Variants in CSMD1 observed in about 807,000 individuals in gnomAD.
CSMD1 encodes CUB and sushi domain-containing protein 1.
Under a neutral mutation model 417.5 loss-of-function variants are expected in CSMD1, and 213 were observed. The observed-to-expected ratio is 0.51, with a 90% confidence interval of 0.46 to 0.57. The LOEUF (loss-of-function observed/expected upper bound fraction) is 0.57. Ranked by LOEUF, CSMD1 falls within the 20% of genes least tolerant of loss-of-function variation. The pLI, the probability that CSMD1 is intolerant of heterozygous loss-of-function variation, is 0.00. For missense variants in CSMD1, 6,923 were observed against 4,529.7 expected (o/e 1.53, Z -15.17); for synonymous variants, 2,862 against 1,736.8 (o/e 1.65, Z -16.11).
chr8:4,441,497 G>C (rs575323197), intron 2 of CSMD1, among the ~76,000 whole-genome samples: 2 of 151,988 alleles, frequency 1.3e-5, no homozygotes, highest in African/African-American at 2.4e-5. Flanking sequence ...GTATTTTACA[G>C]AGAGAGAATG....
At position 4,875,872 on chromosome 8, in the gene CSMD1, G is replaced by C. The variant is rs1004093662; in HGVS notation, c.85+118460C>G. On this transcript the variant is annotated intron_variant, in intron 1 of 69. Coordinates refer to ENST00000635120, the MANE Select transcript of CSMD1 (RefSeq NM_033225.6). Reference sequence around the variant, plus strand: ...ACTAGTATAATCTGAAATAATTTATGAAAGCCATTTAGTGAATATTTAATT... The same window carrying C: ...ACTAGTATAATCTGAAATAATTTATCAAAGCCATTTAGTGAATATTTAATT... 2.6e-5 allele frequency among the ~76,000 whole-genome samples: 4 copies of C among 151,946 alleles called. No individual in the cohort carries two copies. In the East Asian group the frequency reaches 7.7e-4, roughly 29 times the overall value.
chr8:4,830,825 G>C (rs556299086), intron 1 of CSMD1, among the ~76,000 whole-genome samples: 4 of 152,276 alleles, frequency 2.6e-5, no homozygotes, highest in Non-Finnish European at 4.4e-5. Context: ...AATGAGCAGG[G>C]AAAGAAAGAG....
intron 2 of CSMD1, among the ~76,000 whole-genome samples, chr8:4,607,731 T>G (rs1273445889): frequency 6.6e-6 from 1 of 152,194 alleles, no homozygotes; most frequent in Non-Finnish European, 1.5e-5. Context: ...AAGAAAACAG[T>G]AAACGTAGCA....
At chr8:3,370,949 C>G (rs1325139603) in intron 18 of CSMD1, among the ~76,000 whole-genome samples, 6 of 151,734 alleles carry the variant, frequency 4.0e-5, no homozygotes, top group African/African-American at 1.5e-4. Flanking sequence ...GCACTCCAGC[C>G]TGGGGCAACA....
intron 3 of CSMD1, among the ~76,000 whole-genome samples, chr8:4,151,402 C>G (rs1374293735): frequency 4.6e-5 from 7 of 152,134 alleles, no homozygotes; most frequent in African/African-American, 1.4e-4. Context: ...AAGAAAAATA[C>G]TCTTTAAAAA....
At chr8:3,330,599 G>C (rs1035777595) in intron 23 of CSMD1, among the ~76,000 whole-genome samples, 2 of 152,164 alleles carry the variant, frequency 1.3e-5, no homozygotes, top group Non-Finnish European at 2.9e-5. Flanking sequence ...CTATTGGAGG[G>C]TGGAGGATGA....
At chr8:4,954,505 G>A (rs1188543343) in intron 1 of CSMD1, among the ~76,000 whole-genome samples, 2 of 152,000 alleles carry the variant, frequency 1.3e-5, no homozygotes, top group Non-Finnish European at 2.9e-5. Context: ...CAGAATAGAT[G>A]CATTCCACCT....
chr8:4,177,356 G>C (rs990717707), intron 3 of CSMD1, among the ~76,000 whole-genome samples: 7 of 151,984 alleles, frequency 4.6e-5, no homozygotes, highest in African/African-American at 1.7e-4. Flanking sequence ...AATGACGGCA[G>C]AAATAAAGAT....
At chr8:3,472,265 C>G (rs1002340617) in intron 11 of CSMD1, among the ~76,000 whole-genome samples, 10 of 152,178 alleles carry the variant, frequency 6.6e-5, no homozygotes, top group Middle Eastern at 3.4e-3. Flanking sequence ...TACTCTTTAT[C>G]ATAACAAACT....
At chr8:3,800,636 G>T (rs181910099) in intron 5 of CSMD1, among the ~76,000 whole-genome samples, 81 of 152,316 alleles carry the variant, frequency 5.3e-4, no homozygotes, top group Admixed American at 5.2e-4. Context: ...AGGTATTTGG[G>T]TTATGCAGAC....
intron 26 of CSMD1, among the ~76,000 whole-genome samples, chr8:3,255,732 G>A (rs1342680533): frequency 6.6e-6 from 1 of 152,172 alleles, no homozygotes; most frequent in Non-Finnish European, 1.5e-5. Context: ...CAGTATTAGG[G>A]TGGGAGTGAC....
chr8:4,327,253 G>A (rs565400641), intron 3 of CSMD1, among the ~76,000 whole-genome samples: 7 of 152,102 alleles, frequency 4.6e-5, no homozygotes, highest in Non-Finnish European at 1.0e-4. Flanking sequence ...TAATACAAAC[G>A]TCCATTTTAC....
At chr8:3,671,102 G>T (rs573463465) in intron 7 of CSMD1, among the ~76,000 whole-genome samples, 1 of 143,832 alleles carries the variant, frequency 7.0e-6, no homozygotes, top group African/African-American at 2.5e-5. Context: ...ATATATGTAT[G>T]GGATATATAT....
At chr8:3,890,507 C>A (rs958721090) in intron 5 of CSMD1, among the ~76,000 whole-genome samples, 12 of 151,830 alleles carry the variant, frequency 7.9e-5, no homozygotes, top group Admixed American at 6.6e-5. Flanking sequence ...TTGAGGCACA[C>A]TTGCAGGACT....
At chr8:3,736,041 G>C (rs1261672992) in intron 6 of CSMD1, among the ~76,000 whole-genome samples, 1 of 151,950 alleles carries the variant, frequency 6.6e-6, no homozygotes. Context: ...GAAATACAAA[G>C]AACTACCTAA....
At chr8:3,851,998 G>T (rs1366947808) in intron 5 of CSMD1, among the ~76,000 whole-genome samples, 4 of 152,102 alleles carry the variant, frequency 2.6e-5, no homozygotes, top group Non-Finnish European at 4.4e-5. Context: ...GAGCATGGAG[G>T]GGCTGCAATC....
At chr8:4,152,262 G>A (rs1222983218) in intron 3 of CSMD1, among the ~76,000 whole-genome samples, 2 of 152,070 alleles carry the variant, frequency 1.3e-5, no homozygotes, top group African/African-American at 4.8e-5. Flanking sequence ...GCTCTATGAT[G>A]GTAATATAGA....
chr8:3,901,243 C>T (rs1052156993), intron 5 of CSMD1, among the ~76,000 whole-genome samples: 1 of 152,142 alleles, frequency 6.6e-6, no homozygotes, highest in Non-Finnish European at 1.5e-5. Flanking sequence ...TAGTAATGTT[C>T]TTTTCCAGTT....
At chr8:2,958,214 T>C (rs1585051168) in intron 62 of CSMD1, among the ~76,000 whole-genome samples, 1 of 152,362 alleles carries the variant, frequency 6.6e-6, no homozygotes, top group Middle Eastern at 3.4e-3. Context: ...CTCCTACTCA[T>C]ACAGAGTCCA....
Sources: allele counts gnomAD v4.1 joint callset (sites outside exome capture counted in the v4.1 genomes callset), GRCh38; gene constraint gnomAD v4.1.1; transcripts MANE v1.5; gene names NCBI Gene and HGNC (gene_info 2026-07-23, HGNC 2026-07-21).